Variants in DOCK11 observed in about 807,000 individuals in gnomAD.
DOCK11 encodes dedicator of cytokinesis protein 11.
In DOCK11, 70 loss-of-function variants were observed where a neutral mutation model predicts 169.1. The ratio of observed to expected loss-of-function variants is 0.41; its 90% CI spans 0.34 to 0.51. The LOEUF (loss-of-function observed/expected upper bound fraction) is 0.51. Among genes scored for constraint, DOCK11 ranks in the 20% least tolerant of loss-of-function variants. The pLI, the probability that DOCK11 is intolerant of heterozygous loss-of-function variation, is 0.10. For missense variants in DOCK11, 1,166 were observed against 1,538.8 expected, an observed-to-expected ratio of 0.76 and a Z score of 4.05; for synonymous variants, 529 against 541.3, an observed-to-expected ratio of 0.98 and a Z score of 0.32.
At chrX:118,525,027 C>G (rs1286489819) in intron 1 of DOCK11, among the ~76,000 whole-genome samples, 1 of 110,340 alleles carries the variant, frequency 9.1e-6, no homozygotes. Flanking sequence ...TGCCTGTAAT[C>G]TCAGCTACTC....
chrX:118,636,376 C>A lies in DOCK11; in HGVS notation c.3917C>A (p.Ser1306Ter). 1 of 1,094,923 alleles carries A rather than the reference C, an allele frequency of 9.1e-7. No homozygotes were observed. Among genetic ancestry groups the A allele is most frequent in the Non-Finnish European group, 1.2e-6 (1 of 807,082 alleles). The allele number at this position is 1,094,923 out of a possible 1,213,427, so 90.2% of individuals were successfully genotyped here. A position where few individuals can be genotyped will look rare whatever the true frequency, so the allele number is the denominator to read the frequency against. ...CTCTTAACTTACTGGAATAAAGTAT[C>A]ACCTCAGGAGCTCATAAACATTCTT... Reference protein sequence around the residue: ...DTLLTYWNKVSPQELINILIL... With the variant: ...DTLLTYWNKV The change falls in exon 36 of 53, where the codon TCA (serine) becomes TAA (stop). Residue 1306 changes from serine to a stop codon, truncating the protein, a stop_gained. Coordinates refer to ENST00000276202, the MANE Select transcript of DOCK11 (RefSeq NM_144658.4). LOFTEE classifies it high-confidence loss of function.
chrX:118,502,765 A>AAAAC (rs368935002), intron 1 of DOCK11, among the ~76,000 whole-genome samples: 209 of 109,667 alleles, frequency 1.9e-3, no homozygotes, highest in African/African-American at 5.9e-3. Context: ...TGGCCAAAAC[A>AAAAC]AAACAAACAA....
chrX:118,655,130 T>G (rs769825942), intron 44 of DOCK11, among the ~76,000 whole-genome samples, 169 bp downstream of exon 44: 1 of 111,516 alleles, frequency 9.0e-6, no homozygotes, highest in East Asian at 2.8e-4. Context: ...CTGGATTGTT[T>G]GTTGTCCCTT....
intron 1 of DOCK11, among the ~76,000 whole-genome samples, chrX:118,501,808 G>GAGT (rs1228474803): frequency 8.9e-6 from 1 of 111,857 alleles, no homozygotes; most frequent in Admixed American, 9.5e-5. Flanking sequence ...TTCACCAGGA[G>GAGT]AGTGTGAGGG....
Position 118,593,266 on chromosome X carries a change from C to T in DOCK11, c.2192C>T (p.Thr731Ile), listed in dbSNP as rs936533270. The change falls in exon 20 of 53, where the codon ACT becomes ATT. Residue 731 changes from threonine (T) to isoleucine (I), a missense_variant. Thr to Ile is a moderately conservative substitution (Grantham distance 89). Transcript: ENST00000276202. ...CATCAAAAACATCATTTGCTTTTCA[C>T]TTTTTATCATGTAAGTTGTGAAATT... ...HLHQKHHLLF[T>I]FYHVSCEINT... 4 of 1,204,589 alleles carry T rather than the reference C, an allele frequency of 3.3e-6. No homozygotes were observed. The highest frequency in any genetic ancestry group is 3.5e-5 in the African/African-American group (2 of 57,248).
intron 21 of DOCK11, 64 bp downstream of exon 21, chrX:118,597,616 G>C: frequency 8.5e-7 from 1 of 1,173,543 alleles, no homozygotes; most frequent in African/African-American, 1.8e-5. Context: ...GAATTCTGTT[G>C]GTCTCGATTG....
At chrX:118,580,215 G>A (rs1203442517) in intron 14 of DOCK11, 36 bp downstream of exon 14, 3 of 1,121,684 alleles carry the variant, frequency 2.7e-6, no homozygotes, top group Non-Finnish European at 3.6e-6. Context: ...GCTCACTCGT[G>A]TTCATATGTG....
chrX:118,660,589 C>T (rs2016189159), intron 44 of DOCK11, among the ~76,000 whole-genome samples: 1 of 109,686 alleles, frequency 9.1e-6, no homozygotes, highest in Non-Finnish European at 1.9e-5. Context: ...CTCAGCCTCC[C>T]GAGTAGCTGG....
Position 118,585,479 on chromosome X carries a change from C to G in DOCK11, c.1795+362C>G, listed in dbSNP as rs1011125186. ...TCACATGACCTTCTTATAAGGACAC[C>G]AGTCATTGGATTTAAGGCCCATCTA... On this transcript the variant is annotated intron_variant, in intron 16 of 52. Coordinates refer to ENST00000276202, the MANE Select transcript of DOCK11 (RefSeq NM_144658.4). Among the ~76,000 whole-genome samples, 3 of 102,416 alleles carry G rather than the reference C, an allele frequency of 2.9e-5. No individual in the cohort carries two copies. The South Asian group carries it at 1.5e-3, about 50-fold the overall frequency. The allele number at this position is 102,416 out of a possible 115,157, so 88.9% of individuals were successfully genotyped here.
intron 44 of DOCK11, among the ~76,000 whole-genome samples, chrX:118,660,786 C>T (rs960259909): frequency 1.6e-4 from 18 of 110,702 alleles, no homozygotes; most frequent in African/African-American, 5.9e-4. Flanking sequence ...CTTTTATTAT[C>T]TACTTTATTT....
intron 40 of DOCK11, among the ~76,000 whole-genome samples, chrX:118,647,746 T>C (rs1167939853): frequency 3.8e-5 from 2 of 53,322 alleles, no homozygotes; most frequent in South Asian, 1.1e-3. Flanking sequence ...TAATATAATA[T>C]ATAATAATAT....
chrX:118,624,576 T>C lies in DOCK11; in HGVS notation c.3509T>C (p.Phe1170Ser). ...AAAATAGCACAATTGTACCTCCCCT[T>C]TGTTGGACTACTTTTGGAAAATATA... ...QAKIAQLYLP[F>S]VGLLLENIQR... Residue 1170 changes from phenylalanine to serine, a missense_variant, in exon 32 of 53, where the codon TTT becomes TCT. Phe to Ser is a radical substitution (Grantham distance 155, BLOSUM62 -2). Coordinates refer to ENST00000276202, the MANE Select transcript of DOCK11 (RefSeq NM_144658.4). 8.3e-7 allele frequency: 1 copy of C among 1,208,237 alleles called. No homozygotes were observed. The highest frequency in any genetic ancestry group is 1.1e-6 in the Non-Finnish European group (1 of 893,204).
At chrX:118,653,176 AT>A (rs1272563761) in intron 42 of DOCK11, among the ~76,000 whole-genome samples, 6 of 111,661 alleles carry the variant, frequency 5.4e-5, no homozygotes. Context: ...TTCTAGGTAA[AT>A]GGGGCTTGTA....
At chrX:118,570,851 A>G (rs1402296899) in intron 10 of DOCK11, among the ~76,000 whole-genome samples, 1 of 112,298 alleles carries the variant, frequency 8.9e-6, no homozygotes, top group Admixed American at 9.5e-5. Context: ...GACATTCAGC[A>G]TGAACAGATG....
At chrX:118,589,820 A>G (rs974135803) in intron 18 of DOCK11, among the ~76,000 whole-genome samples, 3 of 112,723 alleles carry the variant, frequency 2.7e-5, no homozygotes, top group Admixed American at 9.4e-5. Context: ...AAGAGCGTTC[A>G]ACAAATGTTG....
intron 1 of DOCK11, among the ~76,000 whole-genome samples, chrX:118,502,142 A>G (rs1419804267): frequency 1.8e-5 from 2 of 111,214 alleles, no homozygotes; most frequent in Non-Finnish European, 3.8e-5. Flanking sequence ...GCACAGAAAC[A>G]CTCATCTAGA....
intron 46 of DOCK11, among the ~76,000 whole-genome samples, chrX:118,675,334 C>G (rs185971813): frequency 2.0e-3 from 220 of 112,205 alleles, no homozygotes; most frequent in African/African-American, 6.8e-3. Context: ...AGGGCTCAAG[C>G]AAAGCATTTG....
chrX:118,516,730 C>T (rs955004569), intron 1 of DOCK11, among the ~76,000 whole-genome samples: 2 of 112,052 alleles, frequency 1.8e-5, no homozygotes, highest in Admixed American at 9.5e-5. Context: ...CCACCGCACC[C>T]GGCTGACATC....
intron 45 of DOCK11, among the ~76,000 whole-genome samples, chrX:118,666,517 T>C (rs2147570348): frequency 8.9e-6 from 1 of 111,775 alleles, no homozygotes; most frequent in South Asian, 3.7e-4. Context: ...TTAATCTGGC[T>C]TCTCTTGTTT....
Sources: gnomAD v4.1 joint callset for allele counts (sites outside exome capture counted in the v4.1 genomes callset) on GRCh38, gnomAD v4.1.1 for gene constraint, MANE v1.5 for transcripts, NCBI Gene and HGNC (gene_info 2026-07-23, HGNC 2026-07-21) for gene names.